Variants in WDR72 observed in about 807,000 individuals in gnomAD.
WDR72 encodes WD repeat domain 72.
In WDR72, 120 loss-of-function variants were observed where a neutral mutation model predicts 124.2. The observed-to-expected ratio is 0.97, with a 90% CI of 0.83 to 1.12. The LOEUF (loss-of-function observed/expected upper bound fraction) is 1.12. Among genes scored for constraint, WDR72 ranks in the 50% most tolerant of loss-of-function variants. The probability of loss-of-function intolerance (pLI) is 0.00; values close to 1 mark genes in which losing one functional copy is unlikely to be tolerated. For missense variants in WDR72, 1,387 were observed against 1,278.8 expected (o/e 1.08, Z -1.29); for synonymous variants, 452 against 441.7 (o/e 1.02, Z -0.29).
chr15:53,618,903 C>T (rs1015360597), intron 14 of WDR72, among the ~76,000 whole-genome samples: 1 of 152,044 alleles, frequency 6.6e-6, no homozygotes, highest in Non-Finnish European at 1.5e-5. Flanking sequence ...TATCCCCTTA[C>T]ACGTTTTTCA....
chr15:53,584,698 G>C (rs2012107350), intron 18 of WDR72, among the ~76,000 whole-genome samples: 1 of 151,902 alleles, frequency 6.6e-6, no homozygotes, highest in South Asian at 2.1e-4. Context: ...CTCCACAGCA[G>C]AACCTTTTCA....
At chr15:53,540,229 A>G (rs1361329896) in intron 18 of WDR72, among the ~76,000 whole-genome samples, 1 of 152,258 alleles carries the variant, frequency 6.6e-6, no homozygotes, top group Non-Finnish European at 1.5e-5. Flanking sequence ...ACAAGAATAT[A>G]GAAAACCTAC....
intron 18 of WDR72, among the ~76,000 whole-genome samples, chr15:53,554,335 A>T (rs1456733449): frequency 6.6e-6 from 1 of 152,178 alleles, no homozygotes; most frequent in Non-Finnish European, 1.5e-5. Flanking sequence ...AATTGGAAAA[A>T]AAAAACTTAA....
intron 16 of WDR72, 36 bp downstream of exon 16, chr15:53,613,630 A>T: frequency 6.8e-7 from 1 of 1,460,664 alleles, no homozygotes; most frequent in Non-Finnish European, 9.6e-7. Flanking sequence ...ACAGAAAAAA[A>T]AAATCAGATC....
At chr15:53,546,264 C>G (rs1893452202) in intron 18 of WDR72, among the ~76,000 whole-genome samples, 2 of 152,038 alleles carry the variant, frequency 1.3e-5, no homozygotes, top group Non-Finnish European at 2.9e-5. Flanking sequence ...GGAACCAACC[C>G]AGATGTCCAA....
At chr15:53,615,285 G>A in intron 15 of WDR72, 141 bp downstream of exon 15, 1 of 636,428 alleles carries the variant, frequency 1.6e-6, no homozygotes. Flanking sequence ...TTTCTTAAAT[G>A]TTTTTTAAAC....
At chr15:53,678,056 T>C (rs991014928) in intron 13 of WDR72, among the ~76,000 whole-genome samples, 1 of 152,028 alleles carries the variant, frequency 6.6e-6, no homozygotes, top group Admixed American at 6.5e-5. Context: ...TACCAGAGAT[T>C]ATGGGGACTG....
chr15:53,658,193 G>T (rs732975), intron 14 of WDR72, among the ~76,000 whole-genome samples: 33,407 of 151,966 alleles, frequency 0.22, 4,051 homozygotes, highest in East Asian at 0.46. Context: ...CAGCTAAAAG[G>T]TTTTTATACC....
intron 18 of WDR72, among the ~76,000 whole-genome samples, chr15:53,545,435 G>A (rs1213671126): frequency 4.7e-5 from 7 of 150,346 alleles, no homozygotes; most frequent in East Asian, 1.9e-4. Flanking sequence ...TTTAATAAAC[G>A]GTGCTGGGAA....
intron 1 of WDR72, among the ~76,000 whole-genome samples, chr15:53,733,563 C>T (rs2614220): frequency 0.062 from 9,386 of 152,070 alleles, 993 homozygotes; most frequent in African/African-American, 0.22. Context: ...AGAAATGTTA[C>T]CTCATCTAGG....
chr15:53,694,602 C>T (rs2016944991), intron 13 of WDR72, among the ~76,000 whole-genome samples: 1 of 152,160 alleles, frequency 6.6e-6, no homozygotes, highest in South Asian at 2.1e-4. Context: ...AAAAGGCTGA[C>T]CTCCATCTGC....
chr15:53,637,934 A>T lies in WDR72; in HGVS notation c.1963-21691T>A, dbSNP rs145518542. 3.2e-3 allele frequency among the ~76,000 whole-genome samples: 483 copies of T among 152,218 alleles called. 1 individual carries two copies. Among genetic ancestry groups the T allele is most frequent in the African/African-American group, 0.011 (464 of 41,548 alleles). ...GCAGGTTTCATGTCTGATTCCTTCA[A>T]TGGGGGGTGGGGAGTGGAGAGGGGT... On this transcript the variant is annotated intron_variant, in intron 14 of 19. Coordinates refer to ENST00000360509, the MANE Select transcript of WDR72 (RefSeq NM_182758.4).
intron 14 of WDR72, among the ~76,000 whole-genome samples, chr15:53,659,716 GA>G (rs2015546951): frequency 6.6e-6 from 1 of 150,646 alleles, no homozygotes; most frequent in Admixed American, 6.6e-5. Context: ...AAAAAAAAAG[GA>G]TTAGATATTA....
intron 19 of WDR72, among the ~76,000 whole-genome samples, chr15:53,518,765 G>GGA (rs1595721572): frequency 7.7e-6 from 1 of 129,558 alleles, no homozygotes; most frequent in Non-Finnish European, 1.6e-5. Flanking sequence ...AATAGAAAAA[G>GGA]AAAAAAAAAA....
At chr15:53,543,377 C>G (rs1448407845) in intron 18 of WDR72, among the ~76,000 whole-genome samples, 1 of 152,104 alleles carries the variant, frequency 6.6e-6, no homozygotes, top group African/African-American at 2.4e-5. Flanking sequence ...AACTGAACAA[C>G]CTGCTCCTGA....
intron 13 of WDR72, among the ~76,000 whole-genome samples, chr15:53,691,379 G>A (rs919873970): frequency 5.3e-5 from 8 of 152,058 alleles, no homozygotes; most frequent in South Asian, 2.1e-4. Flanking sequence ...TGAGTGGCTC[G>A]TCTTTTGTTG....
At chr15:53,581,525 G>C (rs761521287) in intron 18 of WDR72, among the ~76,000 whole-genome samples, 1 of 152,038 alleles carries the variant, frequency 6.6e-6, no homozygotes, top group Non-Finnish European at 1.5e-5. Context: ...AATGAATCTA[G>C]TCATTGGTAA....
chr15:53,724,683 T>C (rs917556498), intron 2 of WDR72, among the ~76,000 whole-genome samples: 1 of 152,162 alleles, frequency 6.6e-6, no homozygotes, highest in Admixed American at 6.5e-5. Flanking sequence ...CCACAACATG[T>C]GGGGATTACA....
intron 13 of WDR72, among the ~76,000 whole-genome samples, chr15:53,695,725 A>G (rs2016982109): frequency 6.6e-6 from 1 of 152,176 alleles, no homozygotes; most frequent in South Asian, 2.1e-4. Flanking sequence ...TTACCCTGTC[A>G]TCCATCTCAC....
Sources: allele counts gnomAD v4.1 joint callset (sites outside exome capture counted in the v4.1 genomes callset), GRCh38; gene constraint gnomAD v4.1.1; transcripts MANE v1.5; gene names NCBI Gene and HGNC (gene_info 2026-07-23, HGNC 2026-07-21).